CCM2: variants seen among roughly 807,000 people sequenced by gnomAD.
CCM2 encodes cerebral cavernous malformations 2 protein.
A neutral mutation model predicts 44.9 loss-of-function variants in CCM2; 25 were observed. That is an observed-to-expected ratio of 0.56 (90% confidence interval 0.41 to 0.78). The LOEUF is 0.78. Ranked by LOEUF, CCM2 falls within the 30% of genes least tolerant of loss-of-function variation. CCM2 has a pLI of 0.00. For synonymous variants in CCM2, 219 were observed against 241.1 expected, an observed-to-expected ratio of 0.91 and a Z score of 0.85; for missense variants, 481 against 580.6, an observed-to-expected ratio of 0.83 and a Z score of 1.76.
chr7:45,049,359 T>C (rs1392229629), intron 2 of CCM2, among the ~76,000 whole-genome samples: 1 of 152,224 alleles, frequency 6.6e-6, no homozygotes, highest in East Asian at 1.9e-4. Context: ...GCACCCTCCG[T>C]GGGAGGAATT....
At chr7:45,057,797 T>C (rs1158778710) in intron 2 of CCM2, among the ~76,000 whole-genome samples, 1 of 152,202 alleles carries the variant, frequency 6.6e-6, no homozygotes, top group African/African-American at 2.4e-5. Context: ...GGGAAGCCAA[T>C]ACATACTTTT....
chr7:45,042,590 A>C (rs944589637), intron 2 of CCM2, among the ~76,000 whole-genome samples: 1 of 152,228 alleles, frequency 6.6e-6, no homozygotes, highest in Admixed American at 6.5e-5. Flanking sequence ...TTCTTGTTAC[A>C]CATAATGAGG....
intron 1 of CCM2, among the ~76,000 whole-genome samples, chr7:45,031,227 C>A (rs1345299459): frequency 6.6e-6 from 1 of 150,810 alleles, no homozygotes; most frequent in Non-Finnish European, 1.5e-5. Context: ...TATAAAAATA[C>A]AAAAATTAGC....
intron 1 of CCM2, among the ~76,000 whole-genome samples, chr7:45,021,665 G>A (rs1796486941): frequency 1.3e-5 from 2 of 152,118 alleles, no homozygotes; most frequent in South Asian, 4.1e-4. Context: ...GCAGTTTGCA[G>A]AGTGAGTGAG....
intron 1 of CCM2, among the ~76,000 whole-genome samples, chr7:45,023,787 G>GTTTTTTTTTGTTTTTTTTT (rs1796576023): frequency 1.7e-5 from 1 of 58,614 alleles, no homozygotes; most frequent in African/African-American, 7.6e-5. Flanking sequence ...CTCTGTATCA[G>GTTTTTTTTTGTTTTTTTTT]TTTTTTTTTT....
At chr7:45,068,323 G>A in intron 4 of CCM2, 120 bp from the exon 5 acceptor site, 2 of 1,304,106 alleles carry the variant, frequency 1.5e-6, no homozygotes, top group African/African-American at 1.4e-5. Context: ...TCGTTCTGTG[G>A]GTGCCTGAGC....
intron 2 of CCM2, among the ~76,000 whole-genome samples, chr7:45,053,641 T>A (rs1242600370): frequency 1.3e-5 from 2 of 152,182 alleles, no homozygotes; most frequent in Admixed American, 6.5e-5. Flanking sequence ...AGGGAAGGTC[T>A]TATTACCCCC....
chr7:45,024,527 C>T lies in CCM2; in HGVS notation c.31-13726C>T, dbSNP rs551822092. Reference sequence around the variant, plus strand: ...TCTTGGAGTCCACATCTTTTTCTCTCTTGGATGATCCTCGTTTTGCTGGGA... The same window carrying T: ...TCTTGGAGTCCACATCTTTTTCTCTTTTGGATGATCCTCGTTTTGCTGGGA... On this transcript the variant is annotated intron_variant, in intron 1 of 9. Transcript: ENST00000258781. Among the ~76,000 whole-genome samples the T allele has an allele frequency of 2.6e-3, 397 of 152,268 alleles. 1 individual carries two copies. The highest frequency in any genetic ancestry group is 4.3e-3 in the Non-Finnish European group (294 of 68,010).
intron 1 of CCM2, among the ~76,000 whole-genome samples, chr7:45,012,443 T>A (rs779560565): frequency 2.0e-5 from 3 of 152,138 alleles, no homozygotes; most frequent in Non-Finnish European, 2.9e-5. Flanking sequence ...CCATAATGTC[T>A]TGTTGAAATG....
intron 2 of CCM2, among the ~76,000 whole-genome samples, chr7:45,054,692 G>A (rs1444551279): frequency 1.3e-5 from 2 of 152,218 alleles, no homozygotes; most frequent in African/African-American, 4.8e-5. Flanking sequence ...CAGAACTGAT[G>A]GAGCTGATGG....
intron 6 of CCM2, chr7:45,070,745 TC>T (rs1799029347): frequency 5.1e-6 from 1 of 197,662 alleles, no homozygotes; most frequent in Admixed American, 5.7e-5. Context: ...GGTCGGGAGT[TC>T]AAGACCAGCC....
intron 1 of CCM2, among the ~76,000 whole-genome samples, chr7:45,028,069 GGAA>G (rs1335753477): frequency 1.3e-5 from 2 of 152,234 alleles, no homozygotes; most frequent in South Asian, 4.1e-4. Context: ...CTTGACTCAA[GGAA>G]GAAGAAGCCA....
At chr7:45,070,212 A>G in intron 6 of CCM2, 1 of 535,936 alleles carries the variant, frequency 1.9e-6, no homozygotes, top group Non-Finnish European at 3.4e-6. Flanking sequence ...GTCTGTGAAC[A>G]CTTTTTTGGA....
intron 1 of CCM2, among the ~76,000 whole-genome samples, chr7:45,023,392 A>G (rs1001019423): frequency 2.0e-5 from 3 of 152,170 alleles, no homozygotes; most frequent in African/African-American, 4.8e-5. Flanking sequence ...TCTACTAAAA[A>G]TACAAAAATT....
At position 45,045,910 on chromosome 7, in the gene CCM2, G is replaced by A. The variant is rs114860529; in HGVS notation, c.204+7484G>A. Among the ~76,000 whole-genome samples, 777 of 152,264 alleles carry A rather than the reference G, an allele frequency of 5.1e-3. 10 individuals carry two copies. The highest frequency in any genetic ancestry group is 0.018 in the African/African-American group (748 of 41,550). On this transcript the variant is annotated intron_variant, in intron 2 of 9. Coordinates refer to ENST00000258781, the MANE Select transcript of CCM2 (RefSeq NM_031443.4). ...CAATCACTTAAAAAATGAAACACGG[G>A]TATAAATCTTACAAAACATGAATAA...
chr7:45,009,751 C>T (rs1795994587), intron 1 of CCM2, among the ~76,000 whole-genome samples: 1 of 152,112 alleles, frequency 6.6e-6, no homozygotes. Flanking sequence ...TATCACTGTA[C>T]CTGCCCATCA....
rs191454563 is a variant in CCM2, at chr7:45,015,209, C to T, written c.30+14846C>T. The stretch of plus-strand genomic sequence containing the variant: ...GAGTTCACACTGATACCTCTAATTC[C>T]AGTCCATGACACAGAATTTATTCCA... On this transcript the variant is annotated intron_variant, in intron 1 of 9. Transcript: ENST00000258781. 2.9e-3 allele frequency among the ~76,000 whole-genome samples: 448 copies of T among 152,218 alleles called. 2 individuals carry two copies. The highest frequency in any genetic ancestry group is 0.02 in the Middle Eastern group (6 of 294).
At chr7:45,054,800 G>A (rs1798180804) in intron 2 of CCM2, among the ~76,000 whole-genome samples, 1 of 152,206 alleles carries the variant, frequency 6.6e-6, no homozygotes, top group Non-Finnish European at 1.5e-5. Flanking sequence ...GGTGTGGGCT[G>A]GGCATGGCAT....
chr7:45,029,806 C>T (rs1796873086), intron 1 of CCM2, among the ~76,000 whole-genome samples: 2 of 152,232 alleles, frequency 1.3e-5, no homozygotes, highest in African/African-American at 4.8e-5. Context: ...AGGGCATTCT[C>T]ACTAGGTAAG....
Sources: gnomAD v4.1 joint callset for allele counts (sites outside exome capture counted in the v4.1 genomes callset) on GRCh38, gnomAD v4.1.1 for gene constraint, MANE v1.5 for transcripts, NCBI Gene and HGNC (gene_info 2026-07-23, HGNC 2026-07-21) for gene names.